DYNC1I1: variants seen among roughly 807,000 people sequenced by gnomAD.
DYNC1I1 encodes cytoplasmic dynein 1 intermediate chain 1.
Under a neutral mutation model 86.6 loss-of-function variants are expected in DYNC1I1, and 43 were observed. The ratio of observed to expected loss-of-function variants is 0.50; its 90% CI spans 0.39 to 0.64. DYNC1I1 has a LOEUF of 0.64. Among genes scored for constraint, DYNC1I1 ranks in the 30% least tolerant of loss-of-function variants. DYNC1I1 has a pLI of 0.00. For missense variants in DYNC1I1, 604 were observed against 788.8 expected (o/e 0.77, Z 2.81); for synonymous variants, 262 against 283.7 (o/e 0.92, Z 0.77).
At chr7:95,898,557 C>T (rs1790949136) in intron 6 of DYNC1I1, among the ~76,000 whole-genome samples, 1 of 152,122 alleles carries the variant, frequency 6.6e-6, no homozygotes, top group Admixed American at 6.5e-5. Flanking sequence ...AAGACAACTA[C>T]AAAAATTCAG....
At chr7:95,808,256 T>C (rs557294622) in intron 2 of DYNC1I1, among the ~76,000 whole-genome samples, 167 of 152,224 alleles carry the variant, frequency 1.1e-3, no homozygotes, top group African/African-American at 3.9e-3. Flanking sequence ...ATATTTTCAA[T>C]AAAACAAATA....
intron 14 of DYNC1I1, among the ~76,000 whole-genome samples, chr7:96,058,228 C>T (rs1789645454): frequency 6.6e-6 from 1 of 152,162 alleles, no homozygotes; most frequent in Non-Finnish European, 1.5e-5. Flanking sequence ...ATTATTTATT[C>T]ATTAAACCAG....
chr7:95,891,995 T>C (rs1289649024), intron 6 of DYNC1I1, among the ~76,000 whole-genome samples: 6 of 152,112 alleles, frequency 3.9e-5, no homozygotes, highest in African/African-American at 1.4e-4. Context: ...TGAGACAGAT[T>C]GTTGCTCTTT....
intron 5 of DYNC1I1, among the ~76,000 whole-genome samples, chr7:95,831,843 T>G (rs1218766620): frequency 6.6e-6 from 1 of 151,882 alleles, no homozygotes; most frequent in Non-Finnish European, 1.5e-5. Context: ...TCAGGTAATT[T>G]GTAATTTTGC....
In DYNC1I1 at chr7:96,039,360, A is replaced by T; in HGVS notation, c.1448A>T (p.Asp483Val). 6.2e-7 allele frequency: 1 copy of T among 1,614,152 alleles called. No homozygotes were observed. Residue 483 changes from aspartate (D) to valine (V), a missense_variant, in exon 14 of 17, where the codon GAC becomes GTC. Asp to Val is a radical substitution (Grantham distance 152). Transcript: ENST00000447467. ...INCHMAVGPI[D>V]FSHLFVTSSF... ...TGCCACATGGCAGTGGGCCCAATCG[A>T]CTTTTCTCACCTGTTTGTCACATCA...
chr7:96,055,661 A>AG (rs1789555543), intron 14 of DYNC1I1: 1 of 144,186 alleles, frequency 6.9e-6, no homozygotes, highest in African/African-American at 2.5e-5. Context: ...CTAAAAAAAA[A>AG]CAGTGTAATT....
chr7:95,833,598 A>T (rs1311173118), intron 5 of DYNC1I1, among the ~76,000 whole-genome samples: 1 of 145,402 alleles, frequency 6.9e-6, no homozygotes, highest in Admixed American at 6.9e-5. Flanking sequence ...CTTCCTACCC[A>T]TGAGCATGGA....
chr7:95,841,726 A>G, intron 5 of DYNC1I1, among the ~76,000 whole-genome samples: 1 of 152,236 alleles, frequency 6.6e-6, no homozygotes, highest in South Asian at 2.1e-4. Flanking sequence ...CCTGGGGACT[A>G]GTAATTGCCT....
At position 96,017,228 on chromosome 7, in the gene DYNC1I1, C is replaced by T. The variant is rs902632984; in HGVS notation, c.970-10947C>T. 1.1e-4 allele frequency among the ~76,000 whole-genome samples: 17 copies of T among 152,268 alleles called. No homozygotes were observed. The East Asian group carries it at 2.7e-3, about 24-fold the overall frequency. The stretch of plus-strand genomic sequence containing the variant: ...TTCTTTTAATTAAGCAGGATTTAGA[C>T]ATTTGATTTAAAGAAAACTGTTGCT... On this transcript the variant is annotated intron_variant, in intron 10 of 16. Transcript: ENST00000447467.
chr7:96,032,885 A>G lies in DYNC1I1; in HGVS notation c.1230+105A>G. 4.5e-6 allele frequency: 4 copies of G among 881,386 alleles called. No homozygotes were observed. The Admixed American group carries it at 7.9e-5, about 17-fold the overall frequency. The allele number at this position is 881,386 out of a possible 1,614,324, so 54.6% of individuals were successfully genotyped here. A position where few individuals can be genotyped will look rare whatever the true frequency, so the allele number is the denominator to read the frequency against. ...CAAACCCTCACATCCTAGAGGAGCT[A>G]AAACAAATGGATGCACTTGAAAGAG... On this transcript the variant is annotated intron_variant, in intron 12 of 16. Transcript: ENST00000447467.
chr7:95,804,698 C>CTTTTTT, intron 1 of DYNC1I1, 23 bp from the exon 2 acceptor site: 5 of 1,534,080 alleles, frequency 3.3e-6, no homozygotes, highest in African/African-American at 1.4e-5. Flanking sequence ...TATATGTTCA[C>CTTTTTT]TTTTTTTTTC....
In DYNC1I1 at chr7:96,097,986, C is replaced by T. The variant is rs1237200185; in HGVS notation, c.*393C>T. The T allele has an allele frequency of 4.0e-6, 4 of 1,000,162 alleles. No individual in the cohort carries two copies. The highest frequency in any genetic ancestry group is 5.6e-5 in the Admixed American group (1 of 17,838). The allele number at this position is 1,000,162 out of a possible 1,614,324, so 62.0% of individuals were successfully genotyped here. The stretch of plus-strand genomic sequence containing the variant: ...GATTGGGTGCAGATGTGGTGTTCCT[C>T]ATATTATGGTACAGGGCCAAAGACT... On this transcript the variant is annotated 3_prime_UTR_variant, in exon 17 of 17. Coordinates refer to ENST00000447467, the MANE Select transcript of DYNC1I1 (RefSeq NM_001135556.2).
chr7:95,833,150 G>A (rs1788966967), intron 5 of DYNC1I1, among the ~76,000 whole-genome samples: 1 of 144,666 alleles, frequency 6.9e-6, no homozygotes, highest in Non-Finnish European at 1.5e-5. Context: ...TTTTGTATAA[G>A]GTGTAAGGAA....
intron 6 of DYNC1I1, among the ~76,000 whole-genome samples, chr7:95,910,950 A>G (rs1196171647): frequency 6.6e-6 from 1 of 152,178 alleles, no homozygotes; most frequent in Non-Finnish European, 1.5e-5. Flanking sequence ...TTTTTGGATA[A>G]TGGTGAATAT....
At chr7:95,829,964 A>G (rs542821772) in intron 5 of DYNC1I1, among the ~76,000 whole-genome samples, 1 of 152,204 alleles carries the variant, frequency 6.6e-6, no homozygotes, top group African/African-American at 2.4e-5. Flanking sequence ...TTGAAGGACT[A>G]TTTGCATTTT....
chr7:95,813,016 GT>G (rs1410550525), intron 3 of DYNC1I1, among the ~76,000 whole-genome samples: 2 of 151,294 alleles, frequency 1.3e-5, no homozygotes, highest in Non-Finnish European at 2.9e-5. Context: ...GAATCCCTAG[GT>G]TAATTCTGTC....
chr7:96,041,660 C>T (rs148747693), intron 14 of DYNC1I1, among the ~76,000 whole-genome samples: 1,838 of 152,148 alleles, frequency 0.012, 17 homozygotes, highest in Non-Finnish European at 0.014. Flanking sequence ...ATGAAGAAGA[C>T]TTCTATGTTC....
At chr7:96,075,831 C>T (rs1490374645) in intron 14 of DYNC1I1, among the ~76,000 whole-genome samples, 3 of 152,094 alleles carry the variant, frequency 2.0e-5, no homozygotes, top group African/African-American at 7.2e-5. Context: ...CTCCCCACCC[C>T]CGGTCCCAGC....
chr7:95,810,043 T>C (rs1794792583), intron 2 of DYNC1I1, among the ~76,000 whole-genome samples: 1 of 152,120 alleles, frequency 6.6e-6, no homozygotes, highest in African/African-American at 2.4e-5. Flanking sequence ...ATAACTGATA[T>C]CCCAGAAGGG....
Sources: allele counts gnomAD v4.1 joint callset (sites outside exome capture counted in the v4.1 genomes callset), GRCh38; gene constraint gnomAD v4.1.1; transcripts MANE v1.5; gene names NCBI Gene and HGNC (gene_info 2026-07-23, HGNC 2026-07-21).